The following GAA variants were observed in gnomAD, a reference collection of about 807,000 sequenced individuals.
The protein encoded by GAA is alpha glucosidase.
A neutral mutation model predicts 103.9 loss-of-function variants in GAA; 88 were observed. The observed-to-expected ratio is 0.85, with a 90% CI of 0.71 to 1.01. The LOEUF (loss-of-function observed/expected upper bound fraction) is 1.01. GAA is among the 50% of genes least tolerant of loss of function. GAA has a pLI of 0.00. For synonymous variants in GAA, 572 were observed against 563.1 expected, an observed-to-expected ratio of 1.02 and a Z score of -0.22; for missense variants, 1,350 against 1,305.3, an observed-to-expected ratio of 1.03 and a Z score of -0.53.
Position 80,112,569 on chromosome 17 carries a change from C to T in GAA, c.1755-9C>T. The T allele has an allele frequency of 6.2e-7, 1 of 1,612,998 alleles. No individual in the cohort carries two copies. Among genetic ancestry groups the T allele is most frequent in the Non-Finnish European group, 8.5e-7 (1 of 1,179,962 alleles). ...CACACAGCCCTCACGGTGTCCCCCA[C>T]CACCCCAGGGCGCTGGTGAAGGCTC... is the stretch of plus-strand genomic sequence containing the variant. On this transcript the variant is annotated splice_polypyrimidine_tract_variant and intron_variant, in intron 12 of 19. Transcript: ENST00000302262.
chr17:80,105,737 C>T lies in GAA; in HGVS notation c.547-12C>T, dbSNP rs779671824. ...GCTGTGGGGAACATCAATAAACCCCCATCTCTTCTAGATCAAAGATCCAGC... is the reference window on the plus strand; with the variant it reads ...GCTGTGGGGAACATCAATAAACCCCTATCTCTTCTAGATCAAAGATCCAGC... On this transcript the variant is annotated splice_polypyrimidine_tract_variant and intron_variant, in intron 2 of 19. Transcript: ENST00000302262. 1 of 1,611,878 alleles carries T rather than the reference C, an allele frequency of 6.2e-7. No individual in the cohort carries two copies. Among genetic ancestry groups the T allele is most frequent in the East Asian group, 2.2e-5 (1 of 44,894 alleles).
At chr17:80,108,173 TGAGCTC>T in intron 5 of GAA, 111 bp from the exon 6 acceptor site, 4 of 1,567,518 alleles carry the variant, frequency 2.6e-6, no homozygotes, top group Non-Finnish European at 2.6e-6. Context: ...CAGGCCACTC[TGAGCTC>T]CTCGTGGGGA....
At chr17:80,118,866 G>A (rs1238561227) in intron 19 of GAA, 61 bp downstream of exon 19, 1 of 1,588,100 alleles carries the variant, frequency 6.3e-7, no homozygotes, top group African/African-American at 1.3e-5. Flanking sequence ...GGGGGCAGAA[G>A]GTGCTGGGCG....
intron 19 of GAA, 35 bp from the exon 20 acceptor site, chr17:80,119,237 C>G (rs761002598): frequency 1.2e-6 from 2 of 1,606,636 alleles, no homozygotes; most frequent in Non-Finnish European, 1.7e-6. Context: ...CTGCTGGGAT[C>G]TCGGGCTGCT....
chr17:80,106,252 G>A (rs2039084616), intron 3 of GAA, among the ~76,000 whole-genome samples: 1 of 152,196 alleles, frequency 6.6e-6, no homozygotes, highest in Admixed American at 6.5e-5. Flanking sequence ...TCCACGCACT[G>A]ACCCTCCGTG....
intron 19 of GAA, 71 bp downstream of exon 19, chr17:80,118,876 G>A (rs781753898): frequency 3.4e-5 from 54 of 1,566,208 alleles, no homozygotes; most frequent in South Asian, 1.1e-4. Flanking sequence ...GGTGCTGGGC[G>A]TCCTGGTGAC....
At chr17:80,110,446 C>T (rs1289756051) in intron 9 of GAA, among the ~76,000 whole-genome samples, 1 of 152,222 alleles carries the variant, frequency 6.6e-6, no homozygotes, top group South Asian at 2.1e-4. Context: ...GTCTCCGCTG[C>T]CCTTCTCCCT....
chr17:80,109,892 C>A, intron 8 of GAA, 53 bp from the exon 9 acceptor site: 2 of 1,381,500 alleles, frequency 1.4e-6, no homozygotes, highest in South Asian at 1.2e-5. Flanking sequence ...TTCCCCGTGG[C>A]TGGCGCCAGG....
Position 80,104,970 on chromosome 17 carries a change from C to T in GAA, c.384C>T (p.Phe128=), listed in dbSNP as rs1021707839. 1 of 1,612,566 alleles carries T rather than the reference C, an allele frequency of 6.2e-7. No individual in the cohort carries two copies. The highest frequency in any genetic ancestry group is 8.5e-7 in the Non-Finnish European group (1 of 1,179,918). Residue 128 remains phenylalanine (F), a synonymous_variant, in exon 2 of 20, where the codon TTC becomes TTT. Coordinates refer to ENST00000302262, the MANE Select transcript of GAA (RefSeq NM_000152.5). This position sits in a 1 kb window ranked among gnomAD's most constrained non-coding sequence, Gnocchi z 4.0. ...CCCAGATGGGGCAGCCCTGGTGCTT[C>T]TTCCCACCCAGCTACCCCAGCTACA... ...QGAQMGQPWC[F]FPPSYPSYKL...
chr17:80,112,702 T>G lies in GAA; in HGVS notation c.1879T>G (p.Ser627Ala). 1 of 1,608,186 alleles carries G rather than the reference T, an allele frequency of 6.2e-7. No homozygotes were observed. The highest frequency in any genetic ancestry group is 8.5e-7 in the Non-Finnish European group (1 of 1,178,032). Residue 627 changes from serine to alanine, a missense_variant, in exon 13 of 20, where the codon TCC becomes GCC. Transcript: ENST00000302262. ...GAGCTCCTGGGAGCAGCTCGCCTCC[T>G]CCGTGCCAGGTGAGCTCCTACCAGG... is the stretch of plus-strand genomic sequence containing the variant. The part of the protein sequence containing the change: ...VWSSWEQLAS[S>A]VPEILQFNLL...
intron 5 of GAA, 23 bp from the exon 6 acceptor site, chr17:80,108,267 C>T (rs1234953078): frequency 6.2e-7 from 1 of 1,613,330 alleles, no homozygotes; most frequent in African/African-American, 1.3e-5. Flanking sequence ...TGTCCCCCAA[C>T]CCCAGAGCTG....
At chr17:80,103,395 C>T (rs890650171) in intron 1 of GAA, among the ~76,000 whole-genome samples, 3 of 152,176 alleles carry the variant, frequency 2.0e-5, no homozygotes, top group African/African-American at 7.2e-5. Flanking sequence ...TGGGGTCAGA[C>T]TTGCCTAGGT....
rs1555600060 is a variant in GAA, at chr17:80,108,508, A to G, written c.1095A>G (p.Pro365=). 3.7e-6 allele frequency: 6 copies of G among 1,612,976 alleles called. No individual in the cohort carries two copies. Among genetic ancestry groups the G allele is most frequent in the Admixed American group, 1.7e-5 (1 of 59,994 alleles). ...LDVVGYPFMP[P]YWGLGFHLCR... is the part of the protein sequence containing the mutation. ...CTGCAGGATACCCGTTCATGCCGCC[A>G]TACTGGGGCCTGGGCTTCCACCTGT... The change falls in exon 7 of 20, where the codon CCA becomes CCG. Residue 365 remains proline, a synonymous_variant. Transcript: ENST00000302262.
chr17:80,115,652 C>T (rs1050144170), intron 15 of GAA, among the ~76,000 whole-genome samples: 6 of 152,196 alleles, frequency 3.9e-5, no homozygotes, highest in African/African-American at 1.4e-4. Context: ...GTGTCTCATA[C>T]ATTTTTGTTT....
intron 15 of GAA, 111 bp from the exon 16 acceptor site, chr17:80,116,857 G>A: frequency 8.0e-7 from 1 of 1,246,124 alleles, no homozygotes; most frequent in South Asian, 1.2e-5. Flanking sequence ...CCGGCACCTT[G>A]AGCTCCAGAG....
chr17:80,104,917 A>G lies in GAA; in HGVS notation c.331A>G (p.Ile111Val), dbSNP rs1327721521. 3 of 1,612,390 alleles carry G rather than the reference A, an allele frequency of 1.9e-6. No homozygotes were observed. The highest frequency in any genetic ancestry group is 2.5e-6 in the Non-Finnish European group (3 of 1,179,786). Residue 111 changes from isoleucine (I) to valine (V), a missense_variant, in exon 2 of 20, where the codon ATC (isoleucine) becomes GTC (valine). Physicochemically the swap from Ile to Val is conservative, Grantham distance 29. Transcript: ENST00000302262. This position sits in a 1 kb window ranked among gnomAD's most constrained non-coding sequence, Gnocchi z 4.0. ...EQCEARGCCYIPAKQGLQGAQ... is the reference protein window; with the variant it reads ...EQCEARGCCYVPAKQGLQGAQ... Reference sequence around the variant, plus strand: ...GTGCGAGGCCCGCGGCTGTTGCTACATCCCTGCAAAGCAGGGGCTGCAGGG... The same window carrying G: ...GTGCGAGGCCCGCGGCTGTTGCTACGTCCCTGCAAAGCAGGGGCTGCAGGG...
chr17:80,116,927 C>T, intron 15 of GAA, 41 bp from the exon 16 acceptor site: 1 of 1,612,616 alleles, frequency 6.2e-7, no homozygotes, highest in Non-Finnish European at 8.5e-7. Context: ...AGCCCCATCC[C>T]ATTCATCACC....
chr17:80,107,089 C>T (rs879663754), intron 3 of GAA, among the ~76,000 whole-genome samples: 3 of 152,168 alleles, frequency 2.0e-5, no homozygotes, highest in Non-Finnish European at 4.4e-5. Flanking sequence ...TTTCATTTCT[C>T]GGAGGTGCTG....
Position 80,107,654 on chromosome 17 carries a change from C to T in GAA, c.790C>T (p.Leu264Phe), listed in dbSNP as rs1005162016. The change falls in exon 4 of 20, where the codon CTC becomes TTC. Residue 264 changes from leucine to phenylalanine, a missense_variant. Physicochemically the swap from Leu to Phe is conservative, Grantham distance 22. Coordinates refer to ENST00000302262, the MANE Select transcript of GAA (RefSeq NM_000152.5). ...GTATATCACAGGCCTCGCCGAGCAC[C>T]TCAGTCCCCTGATGCTCAGCACCAG... ...SQYITGLAEHLSPLMLSTSWT... is the reference protein window; with the variant it reads ...SQYITGLAEHFSPLMLSTSWT... The T allele has an allele frequency of 1.2e-6, 2 of 1,612,976 alleles. No homozygotes were observed. The highest frequency in any genetic ancestry group is 2.7e-5 in the African/African-American group (2 of 74,910).
Sources: allele counts gnomAD v4.1 joint callset (sites outside exome capture counted in the v4.1 genomes callset), GRCh38; gene constraint gnomAD v4.1.1; non-coding constraint Gnocchi (gnomAD v3.1); transcripts MANE v1.5; gene names NCBI Gene and HGNC (gene_info 2026-07-23, HGNC 2026-07-21).